The following ANKRD13A variants were observed in gnomAD, a reference collection of about 807,000 sequenced individuals.
The protein encoded by ANKRD13A is ankyrin repeat domain-containing protein 13A.
ANKRD13A carries 48 observed loss-of-function variants against 81.3 expected under a neutral mutation model. The observed-to-expected ratio is 0.59, with a 90% CI of 0.47 to 0.75. The LOEUF (loss-of-function observed/expected upper bound fraction) is 0.75. Among genes scored for constraint, ANKRD13A ranks in the 30% least tolerant of loss-of-function variants. The probability of loss-of-function intolerance (pLI) is 0.00; values close to 1 mark genes in which losing one functional copy is unlikely to be tolerated. For missense variants in ANKRD13A, 612 were observed against 734.0 expected (o/e 0.83, Z 1.92); for synonymous variants, 230 against 270.1 (o/e 0.85, Z 1.45).
chr12:110,026,052 C>G (rs1891304583), intron 8 of ANKRD13A, among the ~76,000 whole-genome samples: 1 of 151,656 alleles, frequency 6.6e-6, no homozygotes, highest in Non-Finnish European at 1.5e-5. Context: ...ACCTCTGCCT[C>G]CTGGGTTCAA....
Position 110,018,392 on chromosome 12 carries a change from A to T in ANKRD13A, c.448A>T (p.Lys150Ter). The change falls in exon 5 of 15, where the codon AAA (lysine) becomes TAA (stop). Residue 150 changes from lysine to a stop codon, truncating the protein, a stop_gained. Transcript: ENST00000261739. LOFTEE classifies it high-confidence loss of function. This position sits in a 1 kb window ranked among gnomAD's most constrained non-coding sequence, Gnocchi z 4.4. Reference sequence around the variant, plus strand: ...CCCAAATGATGTCTGTCGCATCTGGAAAAGTGGTGCCAAACTGCGCGTCGA... The same window carrying T: ...CCCAAATGATGTCTGTCGCATCTGGTAAAGTGGTGCCAAACTGCGCGTCGA... ...ICPNDVCRIW[K>*]SGAKLRVDIT... is the part of the protein sequence containing the mutation. 1 of 1,613,932 alleles carries T rather than the reference A, an allele frequency of 6.2e-7. No individual in the cohort carries two copies. Among genetic ancestry groups the T allele is most frequent in the Non-Finnish European group, 8.5e-7 (1 of 1,179,898 alleles).
chr12:110,009,240 C>T (rs922265944), intron 1 of ANKRD13A, among the ~76,000 whole-genome samples: 16 of 152,114 alleles, frequency 1.1e-4, no homozygotes, highest in Admixed American at 8.5e-4. Context: ...TGCCACCACG[C>T]GCGGCTAATT....
At chr12:110,014,366 T>C (rs982792660) in intron 3 of ANKRD13A, among the ~76,000 whole-genome samples, 9 of 151,994 alleles carry the variant, frequency 5.9e-5, no homozygotes, top group African/African-American at 2.2e-4. Context: ...GAGCCGAGAT[T>C]GCACCACTGC....
chr12:110,026,264 C>T (rs1891320123), intron 8 of ANKRD13A, among the ~76,000 whole-genome samples: 1 of 151,350 alleles, frequency 6.6e-6, no homozygotes, highest in Non-Finnish European at 1.5e-5. Context: ...CGTGCCTGGC[C>T]CCTAACTTCT....
chr12:110,003,067 G>T (rs1215192286), intron 1 of ANKRD13A, among the ~76,000 whole-genome samples: 3 of 152,194 alleles, frequency 2.0e-5, no homozygotes, highest in African/African-American at 7.2e-5. Flanking sequence ...TGCTTATGTC[G>T]TTGGCCGCTT....
intron 6 of ANKRD13A, chr12:110,021,534 TC>T (rs940629378): frequency 6.6e-6 from 1 of 152,340 alleles, no homozygotes; most frequent in African/African-American, 2.4e-5. Flanking sequence ...CAAGCAATTC[TC>T]CCACTTTAGC....
Position 110,011,123 on chromosome 12 carries a change from G to C in ANKRD13A, c.97-882G>C, listed in dbSNP as rs1890496359. Among the ~76,000 whole-genome samples, 5 of 151,614 alleles carry C rather than the reference G, an allele frequency of 3.3e-5. No individual in the cohort carries two copies. The South Asian group carries it at 1.0e-3, about 31-fold the overall frequency. On this transcript the variant is annotated intron_variant, in intron 1 of 14. Coordinates refer to ENST00000261739, the MANE Select transcript of ANKRD13A (RefSeq NM_033121.2). ...TTGTTTAAAAGAAAAAAAAAAAAAA[G>C]GTTGTACTTTCCAAAAGTCCATGGC...
chr12:110,004,968 A>G (rs1028826583), intron 1 of ANKRD13A, among the ~76,000 whole-genome samples: 1 of 152,062 alleles, frequency 6.6e-6, no homozygotes, highest in South Asian at 2.1e-4. Context: ...TACATGAGAG[A>G]TTCGTTTTAT....
rs760741860 is a variant in ANKRD13A, at chr12:110,037,599, T to G, written c.*45T>G. ...TCTGCACAAAGCAGAGGCTGTGGGC[T>G]GTCACAGATGCTGTGTCAACCAGGG... is the stretch of plus-strand genomic sequence containing the variant. On this transcript the variant is annotated 3_prime_UTR_variant, in exon 15 of 15. Transcript: ENST00000261739. 3.8e-6 allele frequency: 6 copies of G among 1,578,024 alleles called. No individual in the cohort carries two copies. The highest frequency in any genetic ancestry group is 5.2e-6 in the Non-Finnish European group (6 of 1,162,222).
At chr12:110,012,327 C>G (rs1480872614) in intron 2 of ANKRD13A, among the ~76,000 whole-genome samples, 190 bp downstream of exon 2, 1 of 152,132 alleles carries the variant, frequency 6.6e-6, no homozygotes, top group African/African-American at 2.4e-5. Context: ...GATTGCGTCA[C>G]TGCACTCCAC....
rs552783068 is a variant in ANKRD13A at position 110,037,789 on chromosome 12, G to A, written c.*235G>A. 2 of 416,120 alleles carry A rather than the reference G, an allele frequency of 4.8e-6. No homozygotes were observed. Among genetic ancestry groups the A allele is most frequent in the African/African-American group, 4.0e-5 (2 of 49,792 alleles). The allele number at this position is 416,120 out of a possible 1,614,324, so 25.8% of individuals were successfully genotyped here. A position where few individuals can be genotyped will look rare whatever the true frequency, so the allele number is the denominator to read the frequency against. ...CCCCATCTCCAGGCTAAGGGGAGGA[G>A]AGCATCATCACTTTCCATTAGCTGT... On this transcript the variant is annotated 3_prime_UTR_variant, in exon 15 of 15. Transcript: ENST00000261739.
At chr12:110,017,102 G>C (rs1224026999) in intron 4 of ANKRD13A, among the ~76,000 whole-genome samples, 1 of 151,840 alleles carries the variant, frequency 6.6e-6, no homozygotes, top group Admixed American at 6.6e-5. Flanking sequence ...TAGAGATGGG[G>C]TTTCATTATG....
At chr12:110,025,939 A>C in intron 8 of ANKRD13A, 116 bp downstream of exon 8, 5 of 787,058 alleles carry the variant, frequency 6.4e-6, no homozygotes, top group Admixed American at 3.4e-5. Context: ...GTTAAGCCTA[A>C]CCCTAACTTC....
At chr12:110,037,038 C>T (rs192416870) in intron 14 of ANKRD13A, among the ~76,000 whole-genome samples, 33 of 152,210 alleles carry the variant, frequency 2.2e-4, no homozygotes, top group Admixed American at 1.3e-3. Flanking sequence ...CGGGAAAAAC[C>T]GCGAGGATTC....
intron 9 of ANKRD13A, 88 bp from the exon 10 acceptor site, chr12:110,028,424 C>G: frequency 1.3e-6 from 2 of 1,495,150 alleles, no homozygotes; most frequent in Non-Finnish European, 1.8e-6. Context: ...AGCTGGTTAA[C>G]ACGTCCACCT....
chr12:110,025,872 C>G, intron 8 of ANKRD13A, 49 bp downstream of exon 8: 1 of 1,527,568 alleles, frequency 6.5e-7, no homozygotes, highest in East Asian at 2.3e-5. Context: ...ATTTTTTAAG[C>G]CTAGAGGGAA....
chr12:110,032,043 T>C (rs902999132), intron 12 of ANKRD13A, among the ~76,000 whole-genome samples: 1 of 152,140 alleles, frequency 6.6e-6, no homozygotes, highest in Non-Finnish European at 1.5e-5. Flanking sequence ...TCTTTAAGCT[T>C]TTCATTTCTT....
At position 110,016,444 on chromosome 12, in the gene ANKRD13A, G is replaced by A; in HGVS notation, c.400+11G>A. On this transcript the variant is annotated intron_variant, in intron 4 of 14. Coordinates refer to ENST00000261739, the MANE Select transcript of ANKRD13A (RefSeq NM_033121.2). ...AATTCACCAGCTGGGGTGAGTGGCT[G>A]TGGGCTCGTTATTTATTTCTCTTTC... The A allele has an allele frequency of 1.3e-6, 2 of 1,582,926 alleles. No individual in the cohort carries two copies.
In ANKRD13A at chr12:110,036,228, C is replaced by T. The variant is rs748678829; in HGVS notation, c.1510-33C>T. 1.4e-5 allele frequency: 23 copies of T among 1,599,044 alleles called. 1 individual carries two copies. The highest frequency in any genetic ancestry group is 1.4e-4 in the South Asian group (13 of 90,814). ...AGAATGGCACCAATTTCTCCTAAGACGTATTCATGTCTATCACATTTGTCT... is the reference window on the plus strand; with the variant it reads ...AGAATGGCACCAATTTCTCCTAAGATGTATTCATGTCTATCACATTTGTCT... On this transcript the variant is annotated intron_variant, in intron 13 of 14. Coordinates refer to ENST00000261739, the MANE Select transcript of ANKRD13A (RefSeq NM_033121.2). The surrounding 1 kb of genome is among the most constrained non-coding windows in gnomAD (Gnocchi z 4.6).
Sources: gnomAD v4.1 joint callset for allele counts (sites outside exome capture counted in the v4.1 genomes callset) on GRCh38, gnomAD v4.1.1 for gene constraint, Gnocchi (gnomAD v3.1) non-coding constraint, MANE v1.5 for transcripts, NCBI Gene and HGNC (gene_info 2026-07-23, HGNC 2026-07-21) for gene names.